Variants in IKBKG observed in about 807,000 individuals in gnomAD.
IKBKG encodes the protein NF-kappa-B essential modulator.
A neutral mutation model predicts 13.7 loss-of-function variants in IKBKG; 2 were observed. The ratio of observed to expected loss-of-function variants is 0.15; its 90% CI spans 0.06 to 0.46. The LOEUF (loss-of-function observed/expected upper bound fraction) is 0.46, where lower values mean the gene tolerates loss of function less well. Among genes scored for constraint, IKBKG ranks in the 20% least tolerant of loss-of-function variants. IKBKG has a pLI of 0.98. For synonymous variants in IKBKG, 22 were observed against 64.4 expected, an observed-to-expected ratio of 0.34 and a Z score of 3.15; for missense variants, 53 against 150.3, an observed-to-expected ratio of 0.35 and a Z score of 3.39.
upstream of IKBKG, chrX:154,547,375 C>T: frequency 2.7e-6 from 2 of 754,112 alleles, no homozygotes; most frequent in Non-Finnish European, 3.1e-6. Flanking sequence ...GGCGGGGCGG[C>T]CGAGCGCCCC....
At chrX:154,556,571 CAG>C in intron 3 of IKBKG, 195 bp downstream of exon 3, 1 of 132,408 alleles carries the variant, frequency 7.6e-6, no homozygotes, top group Non-Finnish European at 1.2e-5. Flanking sequence ...AGCGAAGGCT[CAG>C]GGCGCACAGG....
At chrX:154,545,258 G>A (rs1327435506), upstream of IKBKG, among the ~76,000 whole-genome samples, 1 of 111,666 alleles carries the variant, frequency 9.0e-6, no homozygotes, top group African/African-American at 3.3e-5. Context: ...CAGGTGGGGT[G>A]AGGCAGAGCT....
chrX:154,554,178 G>A (rs782763035), intron 2 of IKBKG, among the ~76,000 whole-genome samples: 6 of 112,700 alleles, frequency 5.3e-5, no homozygotes, highest in Non-Finnish European at 7.5e-5. Flanking sequence ...GTCCATGGAG[G>A]AGGCTGTACT....
At chrX:154,549,348 C>T (rs1207777531) in intron 1 of IKBKG, among the ~76,000 whole-genome samples, 1 of 110,858 alleles carries the variant, frequency 9.0e-6, no homozygotes, top group Non-Finnish European at 1.9e-5. Flanking sequence ...CTTGGCTCAC[C>T]GCAACCTCCA....
chrX:154,542,135 GCAAGAAT>G, intron 1 of IKBKG: 1 of 463,929 alleles, frequency 2.2e-6, no homozygotes. Context: ...TCATGACACA[GCAAGAAT>G]CTTATCAGAC....
At chrX:154,550,234 T>TTGTGTGTG (rs371906365) in intron 1 of IKBKG, among the ~76,000 whole-genome samples, 40 of 99,517 alleles carry the variant, frequency 4.0e-4, no homozygotes, top group Non-Finnish European at 7.3e-4. Context: ...AGATGTGCTC[T>TTGTGTGTG]TGTGTGTGTG....
At chrX:154,546,069 C>T (rs1448680018), upstream of IKBKG, 11 of 1,209,583 alleles carry the variant, frequency 9.1e-6, no homozygotes, top group Middle Eastern at 4.6e-4. Context: ...TGTGTGTATC[C>T]GACTGATGGA....
chrX:154,546,186 A>G (rs782670098), upstream of IKBKG: 9 of 1,208,714 alleles, frequency 7.4e-6, no homozygotes, highest in Non-Finnish European at 1.0e-5. Context: ...AGGCTCGTTA[A>G]CAAGGCAGAA....
chrX:154,544,912 A>T (rs2070649568), upstream of IKBKG, among the ~76,000 whole-genome samples: 1 of 112,709 alleles, frequency 8.9e-6, no homozygotes, highest in Non-Finnish European at 1.9e-5. Flanking sequence ...ACGATGTGGA[A>T]GAACTAACTA....
chrX:154,547,051 T>C (rs1278924484), upstream of IKBKG: 77 of 179,823 alleles, frequency 4.3e-4, no homozygotes, highest in African/African-American at 2.3e-3. Flanking sequence ...GCCCGCCGGC[T>C]GCCTGCCATA....
At chrX:154,552,317 C>G in intron 2 of IKBKG, 128 bp downstream of exon 2, 2 of 482,910 alleles carry the variant, frequency 4.1e-6, no homozygotes, top group Non-Finnish European at 6.6e-6. Flanking sequence ...GAAGTAGACT[C>G]TGAGATGCAG....
At chrX:154,547,870 T>A (rs782179421) in intron 1 of IKBKG, 125 bp downstream of exon 1, 3 of 753,890 alleles carry the variant, frequency 4.0e-6, no homozygotes, top group South Asian at 6.8e-5. Context: ...TCCGCGCTTC[T>A]GGAGCACTGG....
upstream of IKBKG, chrX:154,547,481 G>C: frequency 1.3e-6 from 1 of 755,182 alleles, no homozygotes; most frequent in Non-Finnish European, 1.6e-6. Flanking sequence ...GCTTCCGCGG[G>C]CCTGCAGAGC....
chrX:154,550,606 A>T (rs781840213), intron 1 of IKBKG, among the ~76,000 whole-genome samples: 2 of 109,331 alleles, frequency 1.8e-5, no homozygotes, highest in Admixed American at 9.9e-5. Flanking sequence ...GAAGGATGGG[A>T]ACCCAGTGAG....
intron 2 of IKBKG, among the ~76,000 whole-genome samples, chrX:154,552,673 G>A (rs2070966280): frequency 9.1e-6 from 1 of 110,475 alleles, no homozygotes; most frequent in Non-Finnish European, 1.9e-5. Context: ...GGTCTGTCTT[G>A]GGAAGGAAGG....
intron 1 of IKBKG, among the ~76,000 whole-genome samples, chrX:154,541,780 G>C (rs187365164): frequency 1.8e-5 from 2 of 112,709 alleles, no homozygotes; most frequent in African/African-American, 6.4e-5. Context: ...CCAACATCTG[G>C]CTAGGCCAGG....
At chrX:154,546,659 G>T (rs963005344), upstream of IKBKG, 3 of 556,928 alleles carry the variant, frequency 5.4e-6, no homozygotes, top group Non-Finnish European at 8.4e-6. Context: ...GGGGTATAAA[G>T]GGATTGGTTA....
chrX:154,547,696 C>A lies in IKBKG; in HGVS notation c.-65C>A, dbSNP rs1184954549. 1.3e-6 allele frequency: 1 copy of A among 754,201 alleles called. No homozygotes were observed. The highest frequency in any genetic ancestry group is 1.6e-6 in the Non-Finnish European group (1 of 639,323). 62.2% of individuals were successfully genotyped at this position (754,201 alleles called of 1,213,427 possible). ...GGAGCGCCGGGGCCCTACCAGCGTT[C>A]ACAGTCCGCCGCTCCCACCCTTCTC... is the stretch of plus-strand genomic sequence containing the variant. On this transcript the variant is annotated 5_prime_UTR_variant, in exon 1 of 10. Coordinates refer to ENST00000594239, the MANE Select transcript of IKBKG (RefSeq NM_001099857.5).
intron 1 of IKBKG, 84 bp downstream of exon 1, chrX:154,547,829 C>T: frequency 1.3e-6 from 1 of 755,131 alleles, no homozygotes; most frequent in Non-Finnish European, 1.6e-6. Context: ...TCAGGCTCCC[C>T]CCTCTTTTTT....
Sources: allele counts gnomAD v4.1 joint callset (sites outside exome capture counted in the v4.1 genomes callset), GRCh38; gene constraint gnomAD v4.1.1; transcripts MANE v1.5; gene names NCBI Gene and HGNC (gene_info 2026-07-23, HGNC 2026-07-21).